WDPCP: variants seen among roughly 807,000 people sequenced by gnomAD.
WDPCP encodes WD repeat containing planar cell polarity effector, also known as WD repeat-containing and planar cell polarity effector protein fritz homolog.
A neutral mutation model predicts 93.1 loss-of-function variants in WDPCP; 71 were observed. The observed-to-expected ratio is 0.76, with a 90% CI of 0.63 to 0.93. The LOEUF (loss-of-function observed/expected upper bound fraction) is 0.93. WDPCP is among the 40% of genes least tolerant of loss of function. The probability of loss-of-function intolerance (pLI) is 0.00; values close to 1 mark genes in which losing one functional copy is unlikely to be tolerated. For synonymous variants in WDPCP, 315 were observed against 315.0 expected, an observed-to-expected ratio of 1.00 and a Z score of 0.00; for missense variants, 844 against 887.4, an observed-to-expected ratio of 0.95 and a Z score of 0.62.
rs377436471 is a variant in WDPCP at position 63,339,563 on chromosome 2, C to T, written c.1749-26252G>A. On this transcript the variant is annotated intron_variant, in intron 12 of 17. Coordinates refer to ENST00000272321, the MANE Select transcript of WDPCP (RefSeq NM_015910.7). ...TTATATCCTGCAACTTGACTGAATT[C>T]GTTTATCAGTTCTAACAGTTTTTTG... 8.5e-5 allele frequency among the ~76,000 whole-genome samples: 13 copies of T among 152,258 alleles called. No homozygotes were observed. The East Asian group carries it at 1.2e-3, about 14-fold the overall frequency.
chr2:63,540,674 A>G (rs1195679318), intron 1 of WDPCP, among the ~76,000 whole-genome samples: 1 of 152,232 alleles, frequency 6.6e-6, no homozygotes, highest in African/African-American at 2.4e-5. Context: ...GAACTGTTAT[A>G]CATTTTCCTA....
intron 10 of WDPCP, among the ~76,000 whole-genome samples, chr2:63,393,894 A>G (rs781198712): frequency 2.0e-5 from 3 of 152,172 alleles, no homozygotes; most frequent in Non-Finnish European, 4.4e-5. Context: ...ACTGGACCCC[A>G]TCTTTACACC....
At chr2:63,533,986 G>C (rs1403353220) in intron 1 of WDPCP, among the ~76,000 whole-genome samples, 1 of 150,222 alleles carries the variant, frequency 6.7e-6, no homozygotes, top group Non-Finnish European at 1.5e-5. Flanking sequence ...AAGAAGAAAA[G>C]ACAGGAGAAT....
chr2:63,663,789 G>A (rs553640204), intron 2 of WDPCP, among the ~76,000 whole-genome samples: 3 of 152,118 alleles, frequency 2.0e-5, no homozygotes, highest in Non-Finnish European at 4.4e-5. Flanking sequence ...AAAAATACTC[G>A]ATCATGCTAT....
intron 1 of WDPCP, among the ~76,000 whole-genome samples, chr2:63,566,770 C>T (rs1707093817): frequency 6.6e-6 from 1 of 152,212 alleles, no homozygotes; most frequent in African/African-American, 2.4e-5. Context: ...AGACTGTCCT[C>T]ACTTCAGATA....
intron 13 of WDPCP, among the ~76,000 whole-genome samples, chr2:63,267,427 A>G (rs1682231711): frequency 6.6e-6 from 1 of 152,228 alleles, no homozygotes; most frequent in South Asian, 2.1e-4. Flanking sequence ...TTGCCTGGGC[A>G]ATGATTTCTT....
At chr2:63,717,762 A>G in intron 2 of WDPCP, 1 of 374,894 alleles carries the variant, frequency 2.7e-6, no homozygotes, top group Non-Finnish European at 5.1e-6. Flanking sequence ...GATGGAGACG[A>G]ATTACTACAT....
At chr2:63,816,454 A>G (rs1292560812) in intron 1 of WDPCP, among the ~76,000 whole-genome samples, 1 of 152,192 alleles carries the variant, frequency 6.6e-6, no homozygotes, top group Non-Finnish European at 1.5e-5. Flanking sequence ...CACTGTCCAT[A>G]TAAGAGACAG....
At chr2:63,135,450 G>C (rs1670550566) in intron 17 of WDPCP, among the ~76,000 whole-genome samples, 2 of 152,122 alleles carry the variant, frequency 1.3e-5, no homozygotes, top group South Asian at 4.1e-4. Context: ...TCCTGCCTCA[G>C]CCTTCCGAGG....
intron 3 of WDPCP, chr2:63,622,093 A>AT: frequency 1.9e-6 from 1 of 515,180 alleles, no homozygotes. Flanking sequence ...TTGGAAGTTG[A>AT]TTTTTAATGA....
chr2:63,378,473 G>A lies in WDPCP; in HGVS notation c.1661C>T (p.Pro554Leu). Residue 554 changes from proline to leucine, a missense_variant, in exon 12 of 18, where the codon CCA becomes CTA. Pro to Leu is a moderately conservative substitution (Grantham distance 98). Transcript: ENST00000272321. The stretch of plus-strand genomic sequence containing the variant: ...AGTGGAATCCAGAAGTGGTCTTGTT[G>A]GAGCATAGAAGGTTCCAAGGCTTGT... Reference protein sequence around the residue: ...LETSLGTFYAPTRPLLDSTIL... With the variant: ...LETSLGTFYALTRPLLDSTIL... 1 of 1,613,142 alleles carries A rather than the reference G, an allele frequency of 6.2e-7. No individual in the cohort carries two copies. The highest frequency in any genetic ancestry group is 8.5e-7 in the Non-Finnish European group (1 of 1,179,376).
intron 10 of WDPCP, among the ~76,000 whole-genome samples, chr2:63,388,200 G>T (rs893090127): frequency 6.6e-6 from 1 of 152,110 alleles, no homozygotes; most frequent in African/African-American, 2.4e-5. Context: ...GACTGACACA[G>T]AAGACGGGTG....
chr2:63,158,999 A>G (rs933196344), intron 15 of WDPCP, among the ~76,000 whole-genome samples: 9 of 133,920 alleles, frequency 6.7e-5, no homozygotes, highest in African/African-American at 2.5e-4. Context: ...AAAAAAAAAA[A>G]GCAAAAATTA....
chr2:63,478,557 A>G (rs1444889456), intron 6 of WDPCP, among the ~76,000 whole-genome samples: 1 of 152,172 alleles, frequency 6.6e-6, no homozygotes, highest in East Asian at 1.9e-4. Context: ...CATGGAAATT[A>G]AATAACCTGC....
chr2:63,829,053 A>G (rs1301134852), upstream of WDPCP, among the ~76,000 whole-genome samples: 5 of 152,292 alleles, frequency 3.3e-5, no homozygotes, highest in East Asian at 9.6e-4. Flanking sequence ...ACACGAGTTT[A>G]AAAACTCAAA....
intron 3 of WDPCP, among the ~76,000 whole-genome samples, chr2:63,637,873 T>C (rs1294365328): frequency 1.3e-5 from 2 of 152,200 alleles, no homozygotes; most frequent in African/African-American, 2.4e-5. Flanking sequence ...GAAAACAGTA[T>C]GGAGGTTCCT....
At chr2:63,279,575 C>T (rs959800172) in intron 13 of WDPCP, among the ~76,000 whole-genome samples, 1 of 152,190 alleles carries the variant, frequency 6.6e-6, no homozygotes, top group Admixed American at 6.5e-5. Context: ...ACTTTTACCA[C>T]TTCTATTCAA....
chr2:63,450,991 G>A (rs980910675), intron 6 of WDPCP, among the ~76,000 whole-genome samples: 7 of 151,846 alleles, frequency 4.6e-5, no homozygotes, highest in Admixed American at 2.6e-4. Context: ...CCCAACATCG[G>A]ATTCCAATCA....
intron 17 of WDPCP, among the ~76,000 whole-genome samples, chr2:63,136,010 G>A (rs1010581880): frequency 1.3e-5 from 2 of 152,182 alleles, no homozygotes; most frequent in African/African-American, 4.8e-5. Context: ...TAGGATTACA[G>A]GTGTGAGCCA....
Sources: gnomAD v4.1 joint callset for allele counts (sites outside exome capture counted in the v4.1 genomes callset) on GRCh38, gnomAD v4.1.1 for gene constraint, MANE v1.5 for transcripts, NCBI Gene and HGNC (gene_info 2026-07-23, HGNC 2026-07-21) for gene names.